SUDS3: variants seen among roughly 807,000 people sequenced by gnomAD.
SUDS3 encodes the protein sin3 histone deacetylase corepressor complex component SDS3.
A neutral mutation model predicts 53.5 loss-of-function variants in SUDS3; 23 were observed. The observed-to-expected ratio is 0.43, with a 90% CI of 0.31 to 0.61. The LOEUF (loss-of-function observed/expected upper bound fraction) is 0.61. SUDS3 is among the 20% of genes least tolerant of loss of function. SUDS3 has a pLI of 0.10. For missense variants in SUDS3, 291 were observed against 405.9 expected (o/e 0.72, Z 2.43); for synonymous variants, 150 against 148.5 (o/e 1.01, Z -0.08).
At chr12:118,378,605 C>G (rs1010623580) in intron 1 of SUDS3, among the ~76,000 whole-genome samples, 1 of 151,970 alleles carries the variant, frequency 6.6e-6, no homozygotes, top group African/African-American at 2.4e-5. Flanking sequence ...CCTCAGTCTC[C>G]GGAGTAGTTG....
intron 7 of SUDS3, among the ~76,000 whole-genome samples, chr12:118,401,006 TC>T (rs2046258460): frequency 6.6e-6 from 1 of 152,208 alleles, no homozygotes; most frequent in Non-Finnish European, 1.5e-5. Context: ...CATGCAAAGT[TC>T]AGCCTGGTTT....
rs1242359733 is a variant in SUDS3 at position 118,389,918 on chromosome 12, C to T, written c.341-9C>T. ...TAGCAAATCTAATTGCACTTTTTAT[C>T]TCTTGCAGAACTCTTCCTCCAGCTG... On this transcript the variant is annotated splice_polypyrimidine_tract_variant and intron_variant, in intron 4 of 11. Transcript: ENST00000543473. The T allele has an allele frequency of 6.2e-7, 1 of 1,613,926 alleles. No individual in the cohort carries two copies. The highest frequency in any genetic ancestry group is 2.2e-5 in the East Asian group (1 of 44,902).
At position 118,399,803 on chromosome 12, in the gene SUDS3, G is replaced by A. The variant is rs369239256; in HGVS notation, c.518-856G>A. Reference sequence around the variant, plus strand: ...AAGAAGCAACCTTGGGAGAGGAAACGAGGAGAACTGAGTTTTTGTGGGGCA... The same window carrying A: ...AAGAAGCAACCTTGGGAGAGGAAACAAGGAGAACTGAGTTTTTGTGGGGCA... On this transcript the variant is annotated intron_variant, in intron 6 of 11. Transcript: ENST00000543473. Among the ~76,000 whole-genome samples, 14 of 143,014 alleles carry A rather than the reference G, an allele frequency of 9.8e-5. No homozygotes were observed. The South Asian group carries it at 2.7e-3, about 28-fold the overall frequency. The allele number at this position is 143,014 out of a possible 152,430, so 93.8% of individuals were successfully genotyped here.
chr12:118,383,888 C>G, intron 2 of SUDS3, 124 bp from the exon 3 acceptor site: 1 of 803,136 alleles, frequency 1.2e-6, no homozygotes, highest in Non-Finnish European at 2.0e-6. Context: ...CTTTACTTTC[C>G]TCTCTTCCCT....
intron 4 of SUDS3, among the ~76,000 whole-genome samples, chr12:118,388,372 G>A (rs1253183321): frequency 6.6e-6 from 1 of 152,146 alleles, no homozygotes; most frequent in Non-Finnish European, 1.5e-5. Context: ...GTTTGCAAAG[G>A]GGCCCCTGGT....
chr12:118,399,183 G>A (rs1207618797), intron 6 of SUDS3, among the ~76,000 whole-genome samples: 1 of 152,108 alleles, frequency 6.6e-6, no homozygotes, highest in Admixed American at 6.5e-5. Flanking sequence ...TATATCCTGT[G>A]GAGAGTGGTG....
At chr12:118,397,038 A>G (rs2046222342) in intron 6 of SUDS3, among the ~76,000 whole-genome samples, 1 of 152,194 alleles carries the variant, frequency 6.6e-6, no homozygotes, top group South Asian at 2.1e-4. Context: ...TTTTTCTCAC[A>G]TAACGCTCTC....
intron 10 of SUDS3, among the ~76,000 whole-genome samples, chr12:118,408,573 A>G (rs1340633858): frequency 6.6e-6 from 1 of 151,860 alleles, no homozygotes; most frequent in African/African-American, 2.4e-5. Context: ...ACCTCAAGTG[A>G]TCCACCCACC....
Position 118,415,272 on chromosome 12 carries a change from A to C in SUDS3, c.*839A>C, listed in dbSNP as rs1195360568. ...AGTAGTAAGTATGTGCCACAGGCTG[A>C]TTATCTGGGTAATCTTTTACGGGTG... On this transcript the variant is annotated 3_prime_UTR_variant, in exon 12 of 12. Transcript: ENST00000543473. 1 of 152,252 alleles carries C rather than the reference A, an allele frequency of 6.6e-6. No homozygotes were observed. Among genetic ancestry groups the C allele is most frequent in the East Asian group, 1.9e-4 (1 of 5,180 alleles). 9.4% of individuals were successfully genotyped at this position (152,252 alleles called of 1,614,324 possible).
At chr12:118,413,617 G>A (rs1424235493) in intron 11 of SUDS3, among the ~76,000 whole-genome samples, 1 of 152,180 alleles carries the variant, frequency 6.6e-6, no homozygotes, top group African/African-American at 2.4e-5. Flanking sequence ...CTCACCCATG[G>A]CTTTAGGATG....
intron 4 of SUDS3, among the ~76,000 whole-genome samples, chr12:118,388,377 C>T (rs1028666357): frequency 5.9e-5 from 9 of 152,084 alleles, no homozygotes; most frequent in Non-Finnish European, 1.3e-4. Flanking sequence ...CAAAGGGGCC[C>T]CTGGTAGACT....
intron 1 of SUDS3, among the ~76,000 whole-genome samples, chr12:118,377,264 C>T (rs1199362611): frequency 6.6e-6 from 1 of 151,916 alleles, no homozygotes; most frequent in African/African-American, 2.4e-5. Flanking sequence ...AGGTAGTACA[C>T]TATTGAGAAC....
At chr12:118,409,985 T>C (rs371623804) in intron 10 of SUDS3, among the ~76,000 whole-genome samples, 3 of 152,266 alleles carry the variant, frequency 2.0e-5, no homozygotes, top group South Asian at 4.1e-4. Flanking sequence ...GTCTGTCTTA[T>C]CTACTGTATT....
At chr12:118,413,170 ATAC>A (rs1463747183) in intron 11 of SUDS3, among the ~76,000 whole-genome samples, 15 of 152,342 alleles carry the variant, frequency 9.8e-5, no homozygotes, top group African/African-American at 3.4e-4. Flanking sequence ...AGCAGTAGAG[ATAC>A]TGCTGAATAA....
intron 2 of SUDS3, among the ~76,000 whole-genome samples, chr12:118,383,001 G>A (rs2046081520): frequency 6.6e-6 from 1 of 152,122 alleles, no homozygotes; most frequent in South Asian, 2.1e-4. Context: ...AAAAAATTTC[G>A]GTTAAAATGG....
intron 10 of SUDS3, among the ~76,000 whole-genome samples, chr12:118,409,546 G>C (rs529785420): frequency 6.6e-6 from 1 of 152,342 alleles, no homozygotes; most frequent in South Asian, 2.1e-4. Context: ...TGAGACCCTA[G>C]ACTGGAAAAA....
At chr12:118,392,613 A>AG (rs2046177426) in intron 6 of SUDS3, among the ~76,000 whole-genome samples, 2 of 152,218 alleles carry the variant, frequency 1.3e-5, no homozygotes, top group Admixed American at 6.5e-5. Context: ...TTATTTAATG[A>AG]GACCAGTAGC....
intron 10 of SUDS3, among the ~76,000 whole-genome samples, chr12:118,408,905 C>T (rs2046332756): frequency 6.6e-6 from 1 of 152,042 alleles, no homozygotes; most frequent in Non-Finnish European, 1.5e-5. Flanking sequence ...TTTATTTTAA[C>T]CATTACTCAA....
At chr12:118,388,442 C>T (rs1057162866) in intron 4 of SUDS3, among the ~76,000 whole-genome samples, 1 of 152,128 alleles carries the variant, frequency 6.6e-6, no homozygotes, top group Non-Finnish European at 1.5e-5. Flanking sequence ...CCCCCTGTCA[C>T]CCAGGAAAGA....
Sources: gnomAD v4.1 joint callset for allele counts (sites outside exome capture counted in the v4.1 genomes callset) on GRCh38, gnomAD v4.1.1 for gene constraint, MANE v1.5 for transcripts, NCBI Gene and HGNC (gene_info 2026-07-23, HGNC 2026-07-21) for gene names.